The following CHST12 variants were observed in gnomAD, a reference collection of about 807,000 sequenced individuals.
The protein encoded by CHST12 is carbohydrate sulfotransferase 12.
In CHST12, 23 loss-of-function variants were observed where a neutral mutation model predicts 27.9. The ratio of observed to expected loss-of-function variants is 0.82; its 90% CI spans 0.59 to 1.17. The LOEUF is 1.17. CHST12 is among the 50% of genes most tolerant of loss of function. CHST12 has a pLI of 0.00. For synonymous variants in CHST12, 322 were observed against 273.0 expected (o/e 1.18, Z -1.77); for missense variants, 682 against 603.0 (o/e 1.13, Z -1.37).
intron 1 of CHST12, among the ~76,000 whole-genome samples, chr7:2,409,044 T>A (rs1781596793): frequency 6.6e-6 from 1 of 152,206 alleles, no homozygotes; most frequent in Non-Finnish European, 1.5e-5. Context: ...ACAAGGCTGT[T>A]ATTAGTTCCA....
chr7:2,424,192 G>A (rs1782048007), intron 1 of CHST12, among the ~76,000 whole-genome samples: 1 of 152,128 alleles, frequency 6.6e-6, no homozygotes, highest in Admixed American at 6.6e-5. Flanking sequence ...TGTCTCTACA[G>A]AATAATTTTA....
Position 2,434,096 on chromosome 7 carries a change from T to A in CHST12, c.*212T>A. On this transcript the variant is annotated 3_prime_UTR_variant, in exon 2 of 2. Coordinates refer to ENST00000618655, the MANE Select transcript of CHST12 (RefSeq NM_018641.5). ...GAATGCTGGAGTAAAATATCCCCTC[T>A]CCCCTCCGCCCGCCCACCCGCCCGC... The A allele has an allele frequency of 2.5e-6, 1 of 407,382 alleles. No homozygotes were observed. The highest frequency in any genetic ancestry group is 5.8e-5 in the South Asian group (1 of 17,274). 25.2% of individuals were successfully genotyped at this position (407,382 alleles called of 1,614,324 possible). A position where few individuals can be genotyped will look rare whatever the true frequency, so the allele number is the denominator to read the frequency against.
chr7:2,415,418 C>T (rs1017686175), intron 1 of CHST12, among the ~76,000 whole-genome samples: 5 of 151,732 alleles, frequency 3.3e-5, no homozygotes, highest in African/African-American at 1.2e-4. Flanking sequence ...ATTAAGTGTG[C>T]AATAGCATTA....
chr7:2,411,490 C>CT (rs79743047), intron 1 of CHST12, among the ~76,000 whole-genome samples: 1,846 of 87,456 alleles, frequency 0.021, 126 homozygotes, highest in Admixed American at 0.04. Flanking sequence ...TAACTTAACT[C>CT]TTTTTTTTTT....
intron 1 of CHST12, among the ~76,000 whole-genome samples, chr7:2,420,721 G>C (rs1163285827): frequency 2.0e-5 from 3 of 152,054 alleles, no homozygotes; most frequent in Non-Finnish European, 4.4e-5. Context: ...GGAGTTCAAG[G>C]CTGCAGTGAG....
rs201518792 is a variant in CHST12, at chr7:2,433,495, G to C, written c.856G>C (p.Ala286Pro). Residue 286 changes from alanine to proline, a missense_variant, in exon 2 of 2, where the codon GCC becomes CCC. Ala to Pro is a conservative substitution (Grantham distance 27). Transcript: ENST00000618655. The surrounding 1 kb of genome is among the most constrained non-coding windows in gnomAD (Gnocchi z 6.1). ...GTACGCCAACCACACCAGCCTGCCC[G>C]CCTCGGCGCGCGAGGCCTTCCGCGC... ...RLYANHTSLP[A>P]SAREAFRAGL... 2,992 of 1,611,714 alleles carry C rather than the reference G, an allele frequency of 1.9e-3. 63 individuals carry two copies. The South Asian group carries it at 0.026, about 14-fold the overall frequency.
At position 2,433,347 on chromosome 7, in the gene CHST12, G is replaced by A. The variant is rs771696284; in HGVS notation, c.708G>A (p.Lys236=). Residue 236 remains lysine, a synonymous_variant, in exon 2 of 2, where the codon AAG becomes AAA. Transcript: ENST00000618655. This position sits in a 1 kb window ranked among gnomAD's most constrained non-coding sequence, Gnocchi z 6.1. ...GCCACCTCATGAAGGTCAAGCTCAA[G>A]AAGTACACCAAGTTCCTCTTCGTGC... ...LSRHLMKVKL[K]KYTKFLFVRD... is the part of the protein sequence containing the mutation. 1 of 1,612,376 alleles carries A rather than the reference G, an allele frequency of 6.2e-7. No homozygotes were observed.
chr7:2,416,882 T>TAAA (rs1781823205), intron 1 of CHST12, among the ~76,000 whole-genome samples: 1 of 152,146 alleles, frequency 6.6e-6, no homozygotes, highest in Non-Finnish European at 1.5e-5. Context: ...CACATACGCC[T>TAAA]TCTCCGCACA....
At chr7:2,425,622 C>T (rs189259874) in intron 1 of CHST12, among the ~76,000 whole-genome samples, 57 of 151,052 alleles carry the variant, frequency 3.8e-4, no homozygotes, top group African/African-American at 1.1e-3. Flanking sequence ...GGCCCACACG[C>T]GGGACAGGTG....
At position 2,433,722 on chromosome 7, in the gene CHST12, G is replaced by T. The variant is rs1159328312; in HGVS notation, c.1083G>T (p.Gln361His). The T allele has an allele frequency of 1.2e-6, 2 of 1,613,558 alleles. No homozygotes were observed. Among genetic ancestry groups the T allele is most frequent in the Admixed American group, 3.3e-5 (2 of 60,000 alleles). Residue 361 changes from glutamine to histidine, a missense_variant, in exon 2 of 2, where the codon CAG becomes CAT. Transcript: ENST00000618655. The surrounding 1 kb of genome is among the most constrained non-coding windows in gnomAD (Gnocchi z 6.1). The part of the protein sequence containing the change: ...QLLQLLQVDR[Q>H]LRFPPSYRNR... ...TGCAGCTACTCCAGGTGGACCGGCA[G>T]CTCCGCTTCCCCCCGAGCTACCGGA... is the stretch of plus-strand genomic sequence containing the variant.
In CHST12 at chr7:2,441,390, AAATAGT is replaced by A. The variant is rs1236178478; in HGVS notation, c.*7510_*7515del. 1 of 152,226 alleles carries A rather than the reference AAATAGT, an allele frequency of 6.6e-6. No individual in the cohort carries two copies. Among genetic ancestry groups the A allele is most frequent in the Non-Finnish European group, 1.5e-5 (1 of 68,038 alleles). The allele number at this position is 152,226 out of a possible 1,614,324, so 9.4% of individuals were successfully genotyped here. On this transcript the variant is annotated 3_prime_UTR_variant, in exon 2 of 2. Transcript: ENST00000618655. The stretch of plus-strand genomic sequence containing the variant: ...TTAAAAATGCTTTCTTCACTCGTTT[AAATAGT>A]AATGATAAGAATATGGCTGCAGGGG...
At chr7:2,415,675 C>T (rs1007813115) in intron 1 of CHST12, among the ~76,000 whole-genome samples, 10 of 151,100 alleles carry the variant, frequency 6.6e-5, no homozygotes, top group African/African-American at 2.2e-4. Context: ...TGCAGTGGCA[C>T]GATCTTGGCT....
chr7:2,425,233 A>G (rs1704838199), intron 1 of CHST12, among the ~76,000 whole-genome samples: 2 of 150,292 alleles, frequency 1.3e-5, no homozygotes, highest in South Asian at 4.2e-4. Context: ...CAAACAAAAA[A>G]AAAACGTAAA....
At position 2,432,612 on chromosome 7, in the gene CHST12, G is replaced by T; in HGVS notation, c.-28G>T. The T allele has an allele frequency of 6.3e-7, 1 of 1,588,360 alleles. No individual in the cohort carries two copies. The highest frequency in any genetic ancestry group is 8.6e-7 in the Non-Finnish European group (1 of 1,163,740). On this transcript the variant is annotated 5_prime_UTR_variant, in exon 2 of 2. Coordinates refer to ENST00000618655, the MANE Select transcript of CHST12 (RefSeq NM_018641.5). Reference sequence around the variant, plus strand: ...TGCAGGAAGCTGAAGTGAGAGGCCCGGAGAGGGCCCAGCCCGCCCGGGGCA... The same window carrying T: ...TGCAGGAAGCTGAAGTGAGAGGCCCTGAGAGGGCCCAGCCCGCCCGGGGCA...
At chr7:2,414,192 T>C (rs915423282) in intron 1 of CHST12, among the ~76,000 whole-genome samples, 4 of 152,258 alleles carry the variant, frequency 2.6e-5, no homozygotes, top group Non-Finnish European at 5.9e-5. Context: ...TCTTTATATA[T>C]TCTGGATATA....
rs1307688038 is a variant in CHST12, at chr7:2,442,099, C to CT, written c.*8216dup. The CT allele has an allele frequency of 3.9e-5, 6 of 152,178 alleles. No individual in the cohort carries two copies. Among genetic ancestry groups the CT allele is most frequent in the African/African-American group, 1.4e-4 (6 of 41,426 alleles). The allele number at this position is 152,178 out of a possible 1,614,324, so 9.4% of individuals were successfully genotyped here. A position where few individuals can be genotyped will look rare whatever the true frequency, so the allele number is the denominator to read the frequency against. On this transcript the variant is annotated 3_prime_UTR_variant, in exon 2 of 2. Coordinates refer to ENST00000618655, the MANE Select transcript of CHST12 (RefSeq NM_018641.5). ...GCACCAACCATTCTACTTCCTGTCT[C>CT]TGAGTTTGACTAGGGACCTCCTGTA...
chr7:2,419,966 G>A (rs1583215561), intron 1 of CHST12, among the ~76,000 whole-genome samples: 1 of 95,874 alleles, frequency 1.0e-5, no homozygotes, highest in South Asian at 3.8e-4. Flanking sequence ...TGAAATATTT[G>A]TCTTTTTTTT....
chr7:2,413,125 C>G (rs777937857), intron 1 of CHST12, among the ~76,000 whole-genome samples: 9 of 152,174 alleles, frequency 5.9e-5, no homozygotes, highest in Non-Finnish European at 8.8e-5. Flanking sequence ...CTAGTTTGTT[C>G]TTCTTTTGTA....
At chr7:2,420,638 C>G (rs565627170) in intron 1 of CHST12, among the ~76,000 whole-genome samples, 104 of 152,156 alleles carry the variant, frequency 6.8e-4, no homozygotes, top group African/African-American at 2.3e-3. Context: ...AAGATGCCAT[C>G]TCTACAAAAA....
Sources: allele counts gnomAD v4.1 joint callset (sites outside exome capture counted in the v4.1 genomes callset), GRCh38; gene constraint gnomAD v4.1.1; non-coding constraint Gnocchi (gnomAD v3.1); transcripts MANE v1.5; gene names NCBI Gene and HGNC (gene_info 2026-07-23, HGNC 2026-07-21).